The following IL12A variants were observed in gnomAD, a reference collection of about 807,000 sequenced individuals.
IL12A encodes interleukin 12A, also known as interleukin-12 subunit alpha.
A neutral mutation model predicts 23.5 loss-of-function variants in IL12A; 16 were observed. The ratio of observed to expected loss-of-function variants is 0.68; its 90% CI spans 0.46 to 1.03. The LOEUF is 1.03. Among genes scored for constraint, IL12A ranks in the 50% least tolerant of loss-of-function variants. The pLI, the probability that IL12A is intolerant of heterozygous loss-of-function variation, is 0.00. For missense variants in IL12A, 275 were observed against 307.0 expected, an observed-to-expected ratio of 0.90 and a Z score of 0.78; for synonymous variants, 106 against 111.5, an observed-to-expected ratio of 0.95 and a Z score of 0.31.
chr3:159,990,224 T>C lies in IL12A; in HGVS notation c.176T>C (p.Leu59Pro). 1 of 1,613,884 alleles carries C rather than the reference T, an allele frequency of 6.2e-7. No homozygotes were observed. The highest frequency in any genetic ancestry group is 8.5e-7 in the Non-Finnish European group (1 of 1,179,944). The change falls in exon 2 of 7, where the codon CTC becomes CCC. Residue 59 changes from leucine to proline, a missense_variant. Physicochemically the swap from Leu to Pro is moderately conservative, Grantham distance 98 (BLOSUM62 -3). Coordinates refer to ENST00000305579, the MANE Select transcript of IL12A (RefSeq NM_000882.4). ...GACCACCTCAGTTTGGCCAGAAACCTCCCCGTGGCCACTCCAGACCCAGGA... is the reference window on the plus strand; with the variant it reads ...GACCACCTCAGTTTGGCCAGAAACCCCCCCGTGGCCACTCCAGACCCAGGA...
intron 2 of IL12A, among the ~76,000 whole-genome samples, chr3:159,992,780 A>G (rs1720363967): frequency 1.3e-5 from 2 of 152,248 alleles, no homozygotes; most frequent in African/African-American, 4.8e-5. Flanking sequence ...TAATGAAAAA[A>G]TATGTAATCC....
In IL12A at chr3:159,990,154, C is replaced by T. The variant is rs370013877; in HGVS notation, c.119-13C>T. ...CAGGCTGAAGCTCCTCCACCTGCTC[C>T]TCTTCCTTCCAGGCCTCCTCCTTGT... On this transcript the variant is annotated splice_polypyrimidine_tract_variant and intron_variant, in intron 1 of 6. Coordinates refer to ENST00000305579, the MANE Select transcript of IL12A (RefSeq NM_000882.4). 4.3e-6 allele frequency: 7 copies of T among 1,613,658 alleles called. No homozygotes were observed. Among genetic ancestry groups the T allele is most frequent in the Non-Finnish European group, 5.9e-6 (7 of 1,179,744 alleles).
chr3:159,993,130 A>C lies in IL12A; in HGVS notation c.378+5A>C. 6.8e-7 allele frequency: 1 copy of C among 1,472,852 alleles called. No homozygotes were observed. The highest frequency in any genetic ancestry group is 9.5e-7 in the Non-Finnish European group (1 of 1,053,644). 91.2% of individuals were successfully genotyped at this position (1,472,852 alleles called of 1,614,324 possible). On this transcript the variant is annotated splice_donor_5th_base_variant and intron_variant, in intron 3 of 6. Transcript: ENST00000305579. ...TTACCATTGGAATTAACCAAGGTAT[A>C]AAGGATTTTCCTCCCAGAGCATGCA...
intron 6 of IL12A, 74 bp from the exon 7 acceptor site, chr3:159,995,330 T>C: frequency 8.0e-7 from 1 of 1,257,370 alleles, no homozygotes; most frequent in Middle Eastern, 2.0e-4. Flanking sequence ...ATGTACTGGC[T>C]TCACTCATTT....
rs1720193825 is a variant in IL12A at position 159,988,875 on chromosome 3, C to A, written c.-182C>A. 5.0e-6 allele frequency: 3 copies of A among 597,376 alleles called. No homozygotes were observed. Among genetic ancestry groups the A allele is most frequent in the Non-Finnish European group, 8.9e-6 (3 of 338,120 alleles). The allele number at this position is 597,376 out of a possible 1,614,324, so 37.0% of individuals were successfully genotyped here. On this transcript the variant is annotated 5_prime_UTR_variant, in exon 1 of 7. Coordinates refer to ENST00000305579, the MANE Select transcript of IL12A (RefSeq NM_000882.4). ...TGGGCCGAGCTGGAGGCGGCGGGGC[C>A]GTCCCGGAACGGCTGCGGCCGGGCA...
Position 159,995,729 on chromosome 3 carries a change from T to TA in IL12A, c.*172dup, listed in dbSNP as rs11421436. On this transcript the variant is annotated 3_prime_UTR_variant, in exon 7 of 7. Transcript: ENST00000305579. ...ACATTTACTGTGGATAAATTGTTTTTAAGTTTTCATGAATGAATTGCTAAG... is the reference window on the plus strand; with the variant it reads ...ACATTTACTGTGGATAAATTGTTTTTAAAGTTTTCATGAATGAATTGCTAAG... The TA allele has an allele frequency of 3.5e-3, 1,562 of 442,364 alleles. 21 individuals carry two copies. Among genetic ancestry groups the TA allele is most frequent in the African/African-American group, 0.029 (1,443 of 49,500 alleles). The allele number at this position is 442,364 out of a possible 1,614,324, so 27.4% of individuals were successfully genotyped here.
At chr3:159,990,914 C>A (rs1720284527) in intron 2 of IL12A, among the ~76,000 whole-genome samples, 1 of 152,192 alleles carries the variant, frequency 6.6e-6, no homozygotes, top group Non-Finnish European at 1.5e-5. Flanking sequence ...AAAAACTGCT[C>A]CAGTAGCTAC....
At chr3:159,989,210 G>C (rs767481934) in intron 1 of IL12A, 36 bp downstream of exon 1, 3 of 1,533,346 alleles carry the variant, frequency 2.0e-6, no homozygotes, top group Non-Finnish European at 2.7e-6. Context: ...TGGCTCGCTC[G>C]GGTGCGGAGG....
rs200139393 is a variant in IL12A at position 159,989,089 on chromosome 3, G to T, written c.33G>T (p.Pro11=). The T allele has an allele frequency of 1.1e-5, 17 of 1,613,014 alleles. No individual in the cohort carries two copies. Among genetic ancestry groups the T allele is most frequent in the East Asian group, 4.5e-5 (2 of 44,846 alleles). ...CCCCTGGGTCAGCCTCCCAGCCACC[G>T]CCCTCACCTGCCGCGGCCACAGGTC... The change falls in exon 1 of 7, where the codon CCG becomes CCT. Residue 11 remains proline, a synonymous_variant. Coordinates refer to ENST00000305579, the MANE Select transcript of IL12A (RefSeq NM_000882.4).
At chr3:159,989,738 G>A (rs1486938313) in intron 1 of IL12A, among the ~76,000 whole-genome samples, 2 of 152,134 alleles carry the variant, frequency 1.3e-5, no homozygotes, top group East Asian at 1.9e-4. Flanking sequence ...AGCCAAAATC[G>A]TGCCACTGCA....
intron 6 of IL12A, 132 bp downstream of exon 6, chr3:159,993,976 A>G: frequency 1.1e-6 from 1 of 882,634 alleles, no homozygotes; most frequent in Middle Eastern, 3.1e-4. Context: ...TTTCAAGAAG[A>G]CAGCCTTGAG....
chr3:159,990,729 T>G (rs1254061218), intron 2 of IL12A, among the ~76,000 whole-genome samples: 1 of 152,176 alleles, frequency 6.6e-6, no homozygotes, highest in African/African-American at 2.4e-5. Flanking sequence ...GCCTTGTCCC[T>G]CCTGCTGCCC....
intron 2 of IL12A, among the ~76,000 whole-genome samples, chr3:159,990,623 A>C (rs2108043663): frequency 6.6e-6 from 1 of 152,342 alleles, no homozygotes; most frequent in Non-Finnish European, 1.5e-5. Context: ...TGTCAGGTCC[A>C]CATGGTTTCT....
chr3:159,989,060 T>C lies in IL12A; in HGVS notation c.4T>C (p.Trp2Arg). 6.2e-7 allele frequency: 1 copy of C among 1,612,912 alleles called. No individual in the cohort carries two copies. Among genetic ancestry groups the C allele is most frequent in the African/African-American group, 1.3e-5 (1 of 74,946 alleles). Reference sequence around the variant, plus strand: ...GCGCCTCGGGACAATTATAAAAATGTGGCCCCCTGGGTCAGCCTCCCAGCC... The same window carrying C: ...GCGCCTCGGGACAATTATAAAAATGCGGCCCCCTGGGTCAGCCTCCCAGCC... Residue 2 changes from tryptophan (W) to arginine (R), a missense_variant, in exon 1 of 7, where the codon TGG (tryptophan) becomes CGG (arginine). Trp to Arg is a moderately radical substitution (Grantham distance 101). Transcript: ENST00000305579.
At chr3:159,990,139 C>T in intron 1 of IL12A, 28 bp from the exon 2 acceptor site, 1 of 1,611,406 alleles carries the variant, frequency 6.2e-7, no homozygotes. Flanking sequence ...CAGGCTGAAG[C>T]TCCTCCACCT....
chr3:159,993,351 G>T, intron 3 of IL12A, 100 bp from the exon 4 acceptor site: 1 of 870,874 alleles, frequency 1.1e-6, no homozygotes, highest in South Asian at 1.6e-5. Flanking sequence ...TAAATATTAT[G>T]ATATGTGTTT....
At chr3:159,995,319 CAT>C (rs1169971804) in intron 6 of IL12A, 83 bp from the exon 7 acceptor site, 14 of 1,107,118 alleles carry the variant, frequency 1.3e-5, no homozygotes, top group Non-Finnish European at 1.7e-5. Context: ...GGCTCTGAGA[CAT>C]GTACTGGCTT....
chr3:159,990,482 C>T lies in IL12A; in HGVS notation c.264+170C>T, dbSNP rs552773676. The T allele has an allele frequency of 2.2e-5, 14 of 646,462 alleles. No homozygotes were observed. In the South Asian group the frequency reaches 2.6e-4, roughly 12 times the overall value. The allele number at this position is 646,462 out of a possible 1,614,324, so 40.0% of individuals were successfully genotyped here. On this transcript the variant is annotated intron_variant, in intron 2 of 6. Coordinates refer to ENST00000305579, the MANE Select transcript of IL12A (RefSeq NM_000882.4). ...CAAATGGCCCAAGTGTTAAAGAGTC[C>T]TAGTGAAATTGTGTCTCCAGAGAAA...
intron 6 of IL12A, chr3:159,994,266 T>C (rs1720418581): frequency 1.3e-5 from 2 of 158,864 alleles, no homozygotes; most frequent in African/African-American, 4.8e-5. Flanking sequence ...TGCTCCAGGA[T>C]GTGCATGCAA....
Sources: gnomAD v4.1 joint callset for allele counts (sites outside exome capture counted in the v4.1 genomes callset) on GRCh38, gnomAD v4.1.1 for gene constraint, MANE v1.5 for transcripts, NCBI Gene and HGNC (gene_info 2026-07-23, HGNC 2026-07-21) for gene names.